PCDH15: variants seen among roughly 807,000 people sequenced by gnomAD.
PCDH15 encodes the protein protocadherin-15.
In PCDH15, 129 loss-of-function variants were observed where a neutral mutation model predicts 178.5. That is an observed-to-expected ratio of 0.72 (90% CI 0.63 to 0.84). PCDH15 has a LOEUF of 0.84. Among genes scored for constraint, PCDH15 ranks in the 40% least tolerant of loss-of-function variants. The pLI is 0.00. For synonymous variants in PCDH15, 800 were observed against 732.0 expected, an observed-to-expected ratio of 1.09 and a Z score of -1.50; for missense variants, 2,230 against 2,099.9, an observed-to-expected ratio of 1.06 and a Z score of -1.21.
At chr10:55,261,075 C>G (rs371686647) in intron 1 of PCDH15, among the ~76,000 whole-genome samples, 15 of 152,060 alleles carry the variant, frequency 9.9e-5, no homozygotes, top group Admixed American at 5.9e-4. Flanking sequence ...AAACAAGAAA[C>G]AGAACAGTGA....
At chr10:55,385,693 C>CTATG (rs1554860545) in intron 2 of PCDH15, among the ~76,000 whole-genome samples, 1 of 128,766 alleles carries the variant, frequency 7.8e-6, no homozygotes, top group Non-Finnish European at 1.6e-5. Flanking sequence ...CTTCCTCTGC[C>CTATG]TATATATATA....
intron 2 of PCDH15, among the ~76,000 whole-genome samples, chr10:55,064,364 C>A (rs773985460): frequency 2.6e-5 from 4 of 152,088 alleles, no homozygotes; most frequent in Non-Finnish European, 4.4e-5. Context: ...TAGATAAATG[C>A]AAAGTCTGCT....
chr10:54,470,718 G>T (rs1930168), intron 3 of PCDH15, among the ~76,000 whole-genome samples: 63,978 of 151,928 alleles, frequency 0.42, 14,218 homozygotes, highest in Admixed American at 0.55. Flanking sequence ...AGGAGCCTCT[G>T]CATACTCCTT....
rs933844848 is a variant in PCDH15 at position 54,024,781 on chromosome 10, A to G, written c.2221-1584T>C. ...ACTTTGCCTAGAATTTGTCTTACGA[A>G]TTATTGACAAATCAGTCAAGCTGAT... On this transcript the variant is annotated intron_variant, in intron 18 of 37. Coordinates refer to ENST00000644397, the MANE Select transcript of PCDH15 (RefSeq NM_001384140.1). 2.0e-5 allele frequency among the ~76,000 whole-genome samples: 3 copies of G among 152,098 alleles called. 1 individual carries two copies. Among genetic ancestry groups the G allele is most frequent in the Non-Finnish European group, 2.9e-5 (2 of 68,008 alleles).
chr10:54,885,957 A>G (rs1954351097), intron 3 of PCDH15, among the ~76,000 whole-genome samples: 1 of 152,106 alleles, frequency 6.6e-6, no homozygotes. Flanking sequence ...GAGATGCTTA[A>G]CTTCACCTAA....
At chr10:55,286,389 T>C (rs1842870056) in intron 1 of PCDH15, among the ~76,000 whole-genome samples, 1 of 151,980 alleles carries the variant, frequency 6.6e-6, no homozygotes, top group South Asian at 2.1e-4. Flanking sequence ...TGTTTGTAGC[T>C]ATATATTGAT....
intron 2 of PCDH15, among the ~76,000 whole-genome samples, chr10:55,050,336 T>C (rs1342035486): frequency 2.0e-5 from 3 of 151,878 alleles, no homozygotes; most frequent in South Asian, 2.1e-4. Context: ...TTAGATGTTT[T>C]AATATAATAA....
intron 2 of PCDH15, among the ~76,000 whole-genome samples, chr10:55,420,053 T>C (rs1489002888): frequency 6.6e-6 from 1 of 151,692 alleles, no homozygotes; most frequent in East Asian, 1.9e-4. Context: ...GCTGGGTAGA[T>C]GAGGGTTGAC....
At chr10:54,010,919 C>T (rs1258486509) in intron 20 of PCDH15, among the ~76,000 whole-genome samples, 1 of 152,190 alleles carries the variant, frequency 6.6e-6, no homozygotes, top group Admixed American at 6.5e-5. Context: ...AGTCAACTAA[C>T]AGCCACTCTG....
intron 3 of PCDH15, among the ~76,000 whole-genome samples, chr10:54,832,678 C>T (rs919207622): frequency 1.3e-5 from 2 of 152,144 alleles, no homozygotes; most frequent in African/African-American, 2.4e-5. Flanking sequence ...CCACACAATA[C>T]AATATGGATG....
intron 6 of PCDH15, among the ~76,000 whole-genome samples, chr10:54,330,727 C>A (rs560784327): frequency 1.3e-3 from 201 of 151,992 alleles, no homozygotes; most frequent in Non-Finnish European, 2.3e-3. Context: ...TAACTGTATT[C>A]ACACCTTAAG....
At chr10:54,649,580 A>C (rs960329557) in intron 2 of PCDH15, among the ~76,000 whole-genome samples, 1 of 152,202 alleles carries the variant, frequency 6.6e-6, no homozygotes, top group African/African-American at 2.4e-5. Context: ...TATGTAATCT[A>C]TAATTACACA....
intron 2 of PCDH15, among the ~76,000 whole-genome samples, chr10:55,149,334 A>G (rs953503979): frequency 2.0e-5 from 3 of 151,874 alleles, no homozygotes; most frequent in African/African-American, 7.2e-5. Flanking sequence ...TCTTTATTCA[A>G]TGAAAGCCTT....
At chr10:54,823,206 AACACACACAC>A (rs4007188) in intron 3 of PCDH15, among the ~76,000 whole-genome samples, 2 of 148,920 alleles carry the variant, frequency 1.3e-5, no homozygotes, top group African/African-American at 2.5e-5. Context: ...CACCAGCATA[AACACACACAC>A]ACACACACAC....
chr10:54,329,695 G>A lies in PCDH15; in HGVS notation c.606C>T (p.Asp202=), dbSNP rs1939021574. 1 of 1,569,174 alleles carries A rather than the reference G, an allele frequency of 6.4e-7. No individual in the cohort carries two copies. Among genetic ancestry groups the A allele is most frequent in the Non-Finnish European group, 8.8e-7 (1 of 1,139,562 alleles). ...QYNPDDPTSN[D]TFEIPLMLTG... is the part of the protein sequence containing the mutation. ...TCAACATTAGGGGAATTTCAAAGGT[G>A]TCATTGGATGTCTGCAAATATTAAA... Residue 202 remains aspartate, a synonymous_variant, in exon 7 of 38, where the codon GAC becomes GAT. Coordinates refer to ENST00000644397, the MANE Select transcript of PCDH15 (RefSeq NM_001384140.1).
intron 3 of PCDH15, among the ~76,000 whole-genome samples, chr10:54,473,004 C>T (rs1018709211): frequency 6.6e-6 from 1 of 152,154 alleles, no homozygotes; most frequent in Non-Finnish European, 1.5e-5. Flanking sequence ...GAAACACAGA[C>T]TTCTACATAA....
intron 1 of PCDH15, among the ~76,000 whole-genome samples, chr10:54,667,582 A>G (rs1464912571): frequency 6.6e-6 from 1 of 152,060 alleles, no homozygotes; most frequent in Non-Finnish European, 1.5e-5. Flanking sequence ...GAATTCCATA[A>G]TCTTGCTAAG....
chr10:54,059,000 T>G (rs918853933), intron 18 of PCDH15, among the ~76,000 whole-genome samples: 28 of 152,150 alleles, frequency 1.8e-4, no homozygotes, highest in African/African-American at 5.1e-4. Context: ...GGCCAGAACT[T>G]ATTTCTTCTA....
intron 2 of PCDH15, among the ~76,000 whole-genome samples, chr10:55,357,244 CAT>C (rs1845102833): frequency 6.6e-6 from 1 of 151,722 alleles, no homozygotes; most frequent in East Asian, 1.9e-4. Context: ...ATCTATGAAA[CAT>C]AAATATACAA....
Sources: allele counts gnomAD v4.1 joint callset (sites outside exome capture counted in the v4.1 genomes callset), GRCh38; gene constraint gnomAD v4.1.1; transcripts MANE v1.5; gene names NCBI Gene and HGNC (gene_info 2026-07-23, HGNC 2026-07-21).